Variants in SUCLG2 observed in about 807,000 individuals in gnomAD.
The protein encoded by SUCLG2 is succinate-CoA ligase GDP-forming subunit beta.
A neutral mutation model predicts 47.9 loss-of-function variants in SUCLG2; 42 were observed. The ratio of observed to expected loss-of-function variants is 0.88; its 90% CI spans 0.69 to 1.14. SUCLG2 has a LOEUF of 1.14. Ranked by LOEUF, SUCLG2 falls within the 50% of genes most tolerant of loss-of-function variation. The probability of loss-of-function intolerance (pLI) is 0.00; values close to 1 mark genes in which losing one functional copy is unlikely to be tolerated. For synonymous variants in SUCLG2, 195 were observed against 197.3 expected (o/e 0.99, Z 0.10); for missense variants, 571 against 525.9 (o/e 1.09, Z -0.84).
chr3:67,433,676 G>T (rs1351556345), intron 9 of SUCLG2, among the ~76,000 whole-genome samples: 59 of 152,082 alleles, frequency 3.9e-4, no homozygotes, highest in Admixed American at 3.9e-3. Flanking sequence ...CTGCTCAAAT[G>T]CCCAGAGGGA....
intron 9 of SUCLG2, among the ~76,000 whole-genome samples, chr3:67,423,983 CAT>C (rs1009469715): frequency 4.6e-5 from 7 of 152,128 alleles, no homozygotes; most frequent in African/African-American, 1.7e-4. Context: ...TAAAGGATCT[CAT>C]ATGTTTGGTG....
Position 67,403,755 on chromosome 3 carries a change from C to G in SUCLG2, c.1063-2904G>C, listed in dbSNP as rs549471851. ...AGCCAGGATAAAGGCAGATATGTCA[C>G]CCAACTTAGTTCGCTGAGGAACTAA... is the stretch of plus-strand genomic sequence containing the variant. On this transcript the variant is annotated intron_variant, in intron 9 of 10. Coordinates refer to ENST00000307227, the MANE Select transcript of SUCLG2 (RefSeq NM_003848.4). Among the ~76,000 whole-genome samples the G allele has an allele frequency of 5.9e-5, 9 of 152,234 alleles. No homozygotes were observed. In the East Asian group the frequency reaches 1.7e-3, roughly 29 times the overall value.
intron 8 of SUCLG2, among the ~76,000 whole-genome samples, chr3:67,496,336 T>C (rs771740417): frequency 1.3e-5 from 2 of 152,218 alleles, no homozygotes; most frequent in Non-Finnish European, 1.5e-5. Flanking sequence ...CTAGGACCTA[T>C]GAATTACATT....
chr3:67,500,407 G>A (rs1419657506), intron 7 of SUCLG2, among the ~76,000 whole-genome samples: 1 of 152,182 alleles, frequency 6.6e-6, no homozygotes, highest in East Asian at 1.9e-4. Context: ...AGCACTGAGC[G>A]ACAAGAGAGA....
At chr3:67,396,774 T>A (rs143520356) in intron 10 of SUCLG2, among the ~76,000 whole-genome samples, 3 of 152,156 alleles carry the variant, frequency 2.0e-5, no homozygotes, top group African/African-American at 7.2e-5. Flanking sequence ...AAATCCTCAA[T>A]AAAATACTGG....
chr3:67,561,541 A>C lies in SUCLG2; in HGVS notation c.227-32355T>G, dbSNP rs150422913. Among the ~76,000 whole-genome samples, 760 of 152,302 alleles carry C rather than the reference A, an allele frequency of 5.0e-3. 7 individuals are homozygous for C. The highest frequency in any genetic ancestry group is 0.017 in the African/African-American group (695 of 41,562). ...TTTGCTAAATAACCGTTCCAACAAA[A>C]AATGAGCTGGAAGATTAAGTGTATC... On this transcript the variant is annotated intron_variant, in intron 2 of 10. Coordinates refer to ENST00000307227, the MANE Select transcript of SUCLG2 (RefSeq NM_003848.4).
At chr3:67,442,262 G>A (rs1703785497) in intron 9 of SUCLG2, among the ~76,000 whole-genome samples, 2 of 151,928 alleles carry the variant, frequency 1.3e-5, no homozygotes, top group African/African-American at 4.8e-5. Flanking sequence ...CGCCCGCCTC[G>A]GCCTCCCAAA....
intron 2 of SUCLG2, among the ~76,000 whole-genome samples, chr3:67,553,808 T>A (rs965217252): frequency 6.6e-6 from 1 of 152,338 alleles, no homozygotes; most frequent in Non-Finnish European, 1.5e-5. Context: ...TGGTAACTAC[T>A]CAACTAAACA....
At chr3:67,492,298 C>T (rs577045950) in intron 9 of SUCLG2, among the ~76,000 whole-genome samples, 1 of 152,120 alleles carries the variant, frequency 6.6e-6, no homozygotes, top group Non-Finnish European at 1.5e-5. Context: ...CAAGATGTTT[C>T]GTGTAAGTGA....
At chr3:67,517,771 CATGT>C (rs1295906746) in intron 6 of SUCLG2, among the ~76,000 whole-genome samples, 2 of 152,182 alleles carry the variant, frequency 1.3e-5, no homozygotes, top group Non-Finnish European at 2.9e-5. Flanking sequence ...AGCTAAATAA[CATGT>C]ATTATTAATA....
At chr3:67,575,689 TA>T (rs1404379706) in intron 2 of SUCLG2, among the ~76,000 whole-genome samples, 1 of 152,236 alleles carries the variant, frequency 6.6e-6, no homozygotes, top group Non-Finnish European at 1.5e-5. Flanking sequence ...TGCATTTCTA[TA>T]AAGTTGTTTT....
chr3:67,508,460 GGGTCTCAATATGTTACCCA>G (rs1705698296), intron 7 of SUCLG2, among the ~76,000 whole-genome samples: 1 of 152,076 alleles, frequency 6.6e-6, no homozygotes, highest in South Asian at 2.1e-4. Context: ...TGTAGAGACA[GGGTCTCAATATGTTACCCA>G]GGCTAGTCTC....
At chr3:67,611,816 T>C (rs994689235) in intron 1 of SUCLG2, among the ~76,000 whole-genome samples, 1 of 152,210 alleles carries the variant, frequency 6.6e-6, no homozygotes, top group African/African-American at 2.4e-5. Flanking sequence ...GAGGCCAGCT[T>C]CACAGACATG....
At chr3:67,438,536 G>GA (rs1477911802) in intron 9 of SUCLG2, among the ~76,000 whole-genome samples, 1 of 151,594 alleles carries the variant, frequency 6.6e-6, no homozygotes, top group Non-Finnish European at 1.5e-5. Flanking sequence ...TAGACACAAT[G>GA]AAAAATGATA....
chr3:67,627,991 G>A (rs1321680151), intron 1 of SUCLG2, among the ~76,000 whole-genome samples: 1 of 151,826 alleles, frequency 6.6e-6, no homozygotes, highest in African/African-American at 2.4e-5. Flanking sequence ...GTTAGTGGTG[G>A]TTTTTTTTGG....
At position 67,460,034 on chromosome 3, in the gene SUCLG2, G is replaced by A. The variant is rs555505514; in HGVS notation, c.1062+35764C>T. On this transcript the variant is annotated intron_variant, in intron 9 of 10. Transcript: ENST00000307227. ...ATATCACTGGCCAGAAAGCAGTGAC[G>A]TGATTCCACCCAGCTGAAAGGGAGG... is the stretch of plus-strand genomic sequence containing the variant. Among the ~76,000 whole-genome samples, 8 of 152,274 alleles carry A rather than the reference G, an allele frequency of 5.3e-5. No homozygotes were observed. The South Asian group carries it at 1.2e-3, about 24-fold the overall frequency.
chr3:67,416,722 G>A (rs1356992752), intron 9 of SUCLG2, among the ~76,000 whole-genome samples: 1 of 152,098 alleles, frequency 6.6e-6, no homozygotes, highest in Non-Finnish European at 1.5e-5. Context: ...TAAATATATT[G>A]CTAAGTATAT....
intron 7 of SUCLG2, 126 bp downstream of exon 7, chr3:67,508,681 T>G: frequency 1.4e-6 from 1 of 727,186 alleles, no homozygotes; most frequent in Non-Finnish European, 2.2e-6. Flanking sequence ...TTTCAAACTA[T>G]GGCAGAAATT....
intron 9 of SUCLG2, among the ~76,000 whole-genome samples, chr3:67,422,082 C>T (rs970327225): frequency 6.6e-6 from 1 of 152,086 alleles, no homozygotes; most frequent in African/African-American, 2.4e-5. Flanking sequence ...GGCTGTCAGC[C>T]CTACCTGAGT....
Sources: gnomAD v4.1 joint callset for allele counts (sites outside exome capture counted in the v4.1 genomes callset) on GRCh38, gnomAD v4.1.1 for gene constraint, MANE v1.5 for transcripts, NCBI Gene and HGNC (gene_info 2026-07-23, HGNC 2026-07-21) for gene names.